Variants in ZNF217 observed in about 807,000 individuals in gnomAD.
The protein encoded by ZNF217 is zinc finger protein 217.
A neutral mutation model predicts 73.3 loss-of-function variants in ZNF217; 12 were observed. That is an observed-to-expected ratio of 0.16 (90% confidence interval 0.10 to 0.27). The LOEUF (loss-of-function observed/expected upper bound fraction) is 0.27, where lower values mean the gene tolerates loss of function less well. Among genes scored for constraint, ZNF217 ranks in the 10% least tolerant of loss-of-function variants. ZNF217 has a pLI of 1.00. For synonymous variants in ZNF217, 588 were observed against 516.4 expected (o/e 1.14, Z -1.88); for missense variants, 1,195 against 1,327.8 (o/e 0.90, Z 1.55).
intron 2 of ZNF217, among the ~76,000 whole-genome samples, chr20:53,578,778 T>A (rs919274335): frequency 2.0e-5 from 3 of 152,198 alleles, no homozygotes; most frequent in African/African-American, 7.2e-5. Flanking sequence ...GTTCTCAGTG[T>A]CTCTGAGCAG....
chr20:53,594,257 G>A (rs1988994967), upstream of ZNF217, among the ~76,000 whole-genome samples: 1 of 151,734 alleles, frequency 6.6e-6, no homozygotes, highest in African/African-American at 2.4e-5. Flanking sequence ...GGACTGTTGG[G>A]TCAGAAAGTG....
upstream of ZNF217, among the ~76,000 whole-genome samples, chr20:53,594,375 C>A (rs1291721477): frequency 6.7e-6 from 1 of 149,784 alleles, no homozygotes; most frequent in East Asian, 2.0e-4. Context: ...CGCCCGGCCA[C>A]GCCCCACACC....
intron 2 of ZNF217, among the ~76,000 whole-genome samples, chr20:53,580,301 T>C (rs560459623): frequency 6.6e-6 from 1 of 152,044 alleles, no homozygotes; most frequent in African/African-American, 2.4e-5. Flanking sequence ...ATACACCCAG[T>C]TTTCCGAAGA....
At chr20:53,571,363 T>C (rs1215264985) in intron 5 of ZNF217, among the ~76,000 whole-genome samples, 2 of 150,900 alleles carry the variant, frequency 1.3e-5, no homozygotes, top group African/African-American at 4.9e-5. Context: ...ATTAGACAAC[T>C]TAATGGTTTA....
At chr20:53,573,849 T>C (rs1988124290) in intron 4 of ZNF217, among the ~76,000 whole-genome samples, 1 of 152,250 alleles carries the variant, frequency 6.6e-6, no homozygotes, top group South Asian at 2.1e-4. Flanking sequence ...GACAGGAGGA[T>C]CACCTAAGGT....
intron 4 of ZNF217, among the ~76,000 whole-genome samples, chr20:53,572,237 C>A (rs902974173): frequency 6.6e-6 from 1 of 152,080 alleles, no homozygotes; most frequent in African/African-American, 2.4e-5. Flanking sequence ...GAGACCTCTT[C>A]TCTACTAAAA....
At chr20:53,587,119 A>G (rs531475897) in intron 1 of ZNF217, among the ~76,000 whole-genome samples, 4 of 152,356 alleles carry the variant, frequency 2.6e-5, no homozygotes, top group African/African-American at 7.2e-5. Context: ...GAGTATAGCC[A>G]TATTTTGAAA....
chr20:53,583,002 G>T lies in ZNF217; in HGVS notation c.-176C>A. The stretch of plus-strand genomic sequence containing the variant: ...TCTTCGAACTTTTAGGAAGCTCAGT[G>T]ATGGTGTCACTGGTTCTTTCCACAA... On this transcript the variant is annotated 5_prime_UTR_variant, in exon 2 of 6. The change creates a premature stop within an existing upstream ORF in the 5' untranslated region. Coordinates refer to ENST00000371471, the MANE Select transcript of ZNF217 (RefSeq NM_006526.3). The T allele has an allele frequency of 1.6e-6, 1 of 619,340 alleles. No homozygotes were observed. Among genetic ancestry groups the T allele is most frequent in the East Asian group, 2.9e-5 (1 of 34,990 alleles). 38.4% of individuals were successfully genotyped at this position (619,340 alleles called of 1,614,324 possible).
At chr20:53,572,862 T>C (rs1988074389) in intron 4 of ZNF217, 1 of 152,210 alleles carries the variant, frequency 6.6e-6, no homozygotes, top group Admixed American at 6.5e-5. Context: ...TACAGGTATG[T>C]GCCAGACACC....
chr20:53,592,977 C>CT (rs891057885), intron 1 of ZNF217, among the ~76,000 whole-genome samples: 6 of 152,012 alleles, frequency 3.9e-5, no homozygotes, highest in African/African-American at 1.4e-4. Flanking sequence ...TAAAGATATT[C>CT]TTTAAGTGTT....
chr20:53,597,113 A>C (rs1235456220), upstream of ZNF217, among the ~76,000 whole-genome samples: 1 of 151,696 alleles, frequency 6.6e-6, no homozygotes, highest in Non-Finnish European at 1.5e-5. Context: ...AAAAAAAAAA[A>C]CTTCTGATTT....
At chr20:53,589,102 C>G (rs1988796918) in intron 1 of ZNF217, among the ~76,000 whole-genome samples, 1 of 152,204 alleles carries the variant, frequency 6.6e-6, no homozygotes, top group South Asian at 2.1e-4. Context: ...TTTTAAATTC[C>G]AAAGGTTTCC....
Position 53,578,360 on chromosome 20 carries a change from A to G in ZNF217, c.1457T>C (p.Leu486Pro). ...TGTATGCGTTCTGAGATGAATATTG[A>G]GGTAATAATTTGAACGGAAAAACTT... ...CGKFFRSNYY[L>P]NIHLRTHTGE... The change falls in exon 3 of 6, where the codon CTC becomes CCC. Residue 486 changes from leucine (L) to proline (P), a missense_variant. Around this residue, in one of 9 missense-constraint regions of ZNF217, gnomAD observed 116 missense variants for 121.9 expected, o/e 0.95. Transcript: ENST00000371471. 1 of 1,596,426 alleles carries G rather than the reference A, an allele frequency of 6.3e-7. No homozygotes were observed. Among genetic ancestry groups the G allele is most frequent in the Non-Finnish European group, 8.5e-7 (1 of 1,174,088 alleles).
chr20:53,594,229 G>C (rs1355558531), upstream of ZNF217, among the ~76,000 whole-genome samples: 2 of 151,742 alleles, frequency 1.3e-5, no homozygotes, highest in Non-Finnish European at 2.9e-5. Flanking sequence ...GCCGGGGCGC[G>C]GCGCGTCCGG....
At chr20:53,594,240 C>G (rs927621503), upstream of ZNF217, among the ~76,000 whole-genome samples, 5 of 151,886 alleles carry the variant, frequency 3.3e-5, no homozygotes, top group African/African-American at 1.2e-4. Context: ...GCGCGTCCGG[C>G]GCTGGGGGAC....
In ZNF217 at chr20:53,569,242, T is replaced by TA. The variant is rs760595088; in HGVS notation, c.*45dup. 7.4e-6 allele frequency: 10 copies of TA among 1,348,546 alleles called. No individual in the cohort carries two copies. Among genetic ancestry groups the TA allele is most frequent in the South Asian group, 5.9e-5 (5 of 84,260 alleles). The allele number at this position is 1,348,546 out of a possible 1,614,324, so 83.5% of individuals were successfully genotyped here. The stretch of plus-strand genomic sequence containing the variant: ...AAGTAAAATTTAATTTCATGGGGAG[T>TA]AAGCACTGACATCCACCAAGACCTA... On this transcript the variant is annotated 3_prime_UTR_variant, in exon 6 of 6. Transcript: ENST00000371471.
upstream of ZNF217, among the ~76,000 whole-genome samples, chr20:53,594,043 C>CCG (rs1988985626): frequency 6.6e-6 from 1 of 151,010 alleles, no homozygotes; most frequent in African/African-American, 2.4e-5. Context: ...AAGACCCCCC[C>CCG]CCAACAAAAA....
intron 1 of ZNF217, among the ~76,000 whole-genome samples, chr20:53,590,427 G>A (rs1239780461): frequency 1.3e-5 from 2 of 152,024 alleles, no homozygotes; most frequent in Admixed American, 6.6e-5. Flanking sequence ...TTTTTTTTAA[G>A]CAAATGGAAA....
chr20:53,576,790 G>A lies in ZNF217; in HGVS notation c.1974C>T (p.Asn658=). 6.2e-7 allele frequency: 1 copy of A among 1,614,216 alleles called. No individual in the cohort carries two copies. Among genetic ancestry groups the A allele is most frequent in the Non-Finnish European group, 8.5e-7 (1 of 1,180,044 alleles). Residue 658 remains asparagine, a synonymous_variant, in exon 4 of 6, where the codon AAC becomes AAT. Transcript: ENST00000371471. ...GCTTCTCTTTGGGGCTAACTTCAAG[G>A]TTATGGGTGGTACTGCCATCCGGAG... ...TPPPDGSTTH[N]LEVSPKEKQT... is the part of the protein sequence containing the mutation.
Sources: gnomAD v4.1 joint callset for allele counts (sites outside exome capture counted in the v4.1 genomes callset) on GRCh38, gnomAD v4.1.1 for gene constraint, gnomAD v4.1.1 regional missense constraint, MANE v1.5 for transcripts, NCBI Gene and HGNC (gene_info 2026-07-23, HGNC 2026-07-21) for gene names.